Variants in KIDINS220 observed in about 807,000 individuals in gnomAD.
The protein encoded by KIDINS220 is kinase D interacting substrate 220.
KIDINS220 carries 63 observed loss-of-function variants against 157.6 expected under a neutral mutation model. The ratio of observed to expected loss-of-function variants is 0.40; its 90% confidence interval spans 0.33 to 0.49. The LOEUF (loss-of-function observed/expected upper bound fraction) is 0.49, where lower values mean the gene tolerates loss of function less well. Ranked by LOEUF, KIDINS220 falls within the 20% of genes least tolerant of loss-of-function variation. The pLI is 0.66. For missense variants in KIDINS220, 1,772 were observed against 2,171.2 expected, an observed-to-expected ratio of 0.82 and a Z score of 3.65; for synonymous variants, 732 against 783.6, an observed-to-expected ratio of 0.93 and a Z score of 1.10.
At chr2:8,811,270 T>C (rs1161217268) in intron 6 of KIDINS220, among the ~76,000 whole-genome samples, 3 of 146,566 alleles carry the variant, frequency 2.0e-5, no homozygotes, top group African/African-American at 7.5e-5. Context: ...AGACCGCTAC[T>C]GGAAATAATG....
At chr2:8,813,119 C>T (rs932594749) in intron 5 of KIDINS220, 118 bp downstream of exon 5, 4 of 595,558 alleles carry the variant, frequency 6.7e-6, no homozygotes, top group African/African-American at 1.9e-5. Context: ...TTCTATGTTA[C>T]GTTTAATAAG....
chr2:8,726,948 G>T, downstream of KIDINS220: 1 of 1,284,016 alleles, frequency 7.8e-7, no homozygotes, highest in Non-Finnish European at 1.0e-6. Flanking sequence ...TTCTTCCTAG[G>T]CATGAAAGGG....
At position 8,817,734 on chromosome 2, in the gene KIDINS220, A is replaced by G; in HGVS notation, c.208-18T>C. 2 of 1,543,108 alleles carry G rather than the reference A, an allele frequency of 1.3e-6. No homozygotes were observed. Among genetic ancestry groups the G allele is most frequent in the Non-Finnish European group, 1.8e-6 (2 of 1,134,234 alleles). ...CAATTATCCTTGAACATATATTTTA[A>G]AAGTTATCATTTTCAAACCAAAAAT... On this transcript the variant is annotated intron_variant, in intron 3 of 29. Coordinates refer to ENST00000256707, the MANE Select transcript of KIDINS220 (RefSeq NM_020738.4).
Position 8,747,973 on chromosome 2 carries a change from G to A in KIDINS220, c.3442C>T (p.Pro1148Ser). The A allele has an allele frequency of 6.3e-7, 1 of 1,591,472 alleles. No homozygotes were observed. Among genetic ancestry groups the A allele is most frequent in the Non-Finnish European group, 8.5e-7 (1 of 1,170,924 alleles). The change falls in exon 25 of 30, where the codon CCA becomes TCA. Residue 1148 changes from proline (P) to serine (S), a missense_variant. This residue lies in a region of KIDINS220 where 793 missense variants were observed against 885.5 expected (regional missense o/e 0.90). Transcript: ENST00000256707. ...TGGGAGCCGCCAGGGTAATACCTTG[G>A]CGTGTAAAGGTATGGGGCAAAGAAT... ...RPFFAPYLYT[P>S]RYYPGGSQHL...
intron 3 of KIDINS220, 51 bp downstream of exon 3, chr2:8,818,644 A>G: frequency 1.8e-6 from 2 of 1,133,208 alleles, no homozygotes; most frequent in Non-Finnish European, 2.6e-6. Context: ...AAACAAAAAA[A>G]TAGCTAAGAA....
intron 22 of KIDINS220, among the ~76,000 whole-genome samples, chr2:8,768,213 T>G (rs1445208779): frequency 6.6e-6 from 1 of 152,078 alleles, no homozygotes; most frequent in Non-Finnish European, 1.5e-5. Flanking sequence ...ATTTTTAGTT[T>G]TTATTTTACT....
intron 9 of KIDINS220, among the ~76,000 whole-genome samples, chr2:8,798,664 A>G (rs1294787150): frequency 6.6e-6 from 1 of 152,208 alleles, no homozygotes; most frequent in Non-Finnish European, 1.5e-5. Context: ...AACATGCTGT[A>G]AGTATTGCCC....
intron 20 of KIDINS220, among the ~76,000 whole-genome samples, chr2:8,777,880 T>C (rs904582080): frequency 6.6e-6 from 1 of 152,202 alleles, no homozygotes; most frequent in African/African-American, 2.4e-5. Context: ...CTGTCATTCA[T>C]CATATTAACT....
At chr2:8,796,269 C>G (rs1431649191) in intron 11 of KIDINS220, among the ~76,000 whole-genome samples, 14 of 152,066 alleles carry the variant, frequency 9.2e-5, no homozygotes, top group Admixed American at 7.9e-4. Context: ...TAAAAAGAAA[C>G]TAAAATGAAA....
chr2:8,783,608 T>C (rs1460795109), intron 17 of KIDINS220, among the ~76,000 whole-genome samples: 1 of 149,756 alleles, frequency 6.7e-6, no homozygotes, highest in Non-Finnish European at 1.5e-5. Flanking sequence ...AAAAAACTCC[T>C]GGGACTAACA....
intron 17 of KIDINS220, among the ~76,000 whole-genome samples, chr2:8,783,342 T>C (rs1197631164): frequency 6.6e-6 from 1 of 152,182 alleles, no homozygotes; most frequent in African/African-American, 2.4e-5. Flanking sequence ...TTCAACTTGA[T>C]AAAGAGTATC....
intron 1 of KIDINS220, among the ~76,000 whole-genome samples, chr2:8,829,007 C>T (rs1283336733): frequency 6.6e-6 from 1 of 152,104 alleles, no homozygotes; most frequent in Admixed American, 6.5e-5. Context: ...TTTGGGGAGG[C>T]CTTGCGATGG....
At chr2:8,726,833 G>T (rs561524416), downstream of KIDINS220, 2 of 898,908 alleles carry the variant, frequency 2.2e-6, no homozygotes, top group Admixed American at 2.3e-5. Flanking sequence ...TGGCCAAAAC[G>T]TCCTAACGTG....
At chr2:8,788,473 T>A (rs1025206040) in intron 15 of KIDINS220, among the ~76,000 whole-genome samples, 174 bp downstream of exon 15, 2 of 152,174 alleles carry the variant, frequency 1.3e-5, no homozygotes, top group African/African-American at 4.8e-5. Flanking sequence ...TTCACCATGT[T>A]GGCCAGGCTG....
intron 14 of KIDINS220, among the ~76,000 whole-genome samples, 190 bp downstream of exon 14, chr2:8,789,690 G>A (rs1030061569): frequency 6.6e-6 from 1 of 152,136 alleles, no homozygotes; most frequent in African/African-American, 2.4e-5. Context: ...TAGTTTATAA[G>A]CTACTTCAGC....
chr2:8,763,899 C>T (rs1465692320), intron 22 of KIDINS220, among the ~76,000 whole-genome samples: 1 of 152,138 alleles, frequency 6.6e-6, no homozygotes, highest in African/African-American at 2.4e-5. Flanking sequence ...TAGGTATCTA[C>T]CCAAAGGGAA....
intron 1 of KIDINS220, among the ~76,000 whole-genome samples, chr2:8,834,961 C>T (rs571297582): frequency 1.3e-5 from 2 of 152,166 alleles, no homozygotes; most frequent in African/African-American, 2.4e-5. Context: ...CCTGCCTCAC[C>T]CTCCCTGAAT....
chr2:8,811,138 T>G (rs1360273880), intron 6 of KIDINS220, among the ~76,000 whole-genome samples: 1 of 152,226 alleles, frequency 6.6e-6, no homozygotes, highest in Non-Finnish European at 1.5e-5. Flanking sequence ...AAGAAATTTA[T>G]GCACAGAATC....
chr2:8,791,397 G>T (rs1473294886), intron 12 of KIDINS220, among the ~76,000 whole-genome samples, 173 bp from the exon 13 acceptor site: 2 of 152,134 alleles, frequency 1.3e-5, no homozygotes, highest in Middle Eastern at 3.2e-3. Context: ...AAGGCTACCT[G>T]ATTTAAAATT....
Sources: gnomAD v4.1 joint callset for allele counts (sites outside exome capture counted in the v4.1 genomes callset) on GRCh38, gnomAD v4.1.1 for gene constraint, gnomAD v4.1.1 regional missense constraint, MANE v1.5 for transcripts, NCBI Gene and HGNC (gene_info 2026-07-23, HGNC 2026-07-21) for gene names.